ZFPM2: variants seen among roughly 807,000 people sequenced by gnomAD.
ZFPM2 encodes zinc finger protein ZFPM2.
Under a neutral mutation model 98.6 loss-of-function variants are expected in ZFPM2, and 20 were observed. That is an observed-to-expected ratio of 0.20 (90% CI 0.14 to 0.29). ZFPM2 has a LOEUF of 0.29. Ranked by LOEUF, ZFPM2 falls within the 10% of genes least tolerant of loss-of-function variation. ZFPM2 has a pLI of 1.00. For missense variants in ZFPM2, 1,310 were observed against 1,388.6 expected (o/e 0.94, Z 0.90); for synonymous variants, 518 against 502.7 (o/e 1.03, Z -0.41).
At chr8:105,670,322 C>G (rs1429097108) in intron 5 of ZFPM2, among the ~76,000 whole-genome samples, 1 of 151,842 alleles carries the variant, frequency 6.6e-6, no homozygotes. Context: ...CGGTGAAACC[C>G]CATCTCTACT....
In ZFPM2 at chr8:105,590,280, G is replaced by A. The variant is rs114159104; in HGVS notation, c.420+28799G>A. Among the ~76,000 whole-genome samples, 364 of 152,222 alleles carry A rather than the reference G, an allele frequency of 2.4e-3. 2 individuals carry two copies. The highest frequency in any genetic ancestry group is 8.2e-3 in the African/African-American group (341 of 41,528). On this transcript the variant is annotated intron_variant, in intron 4 of 7. Transcript: ENST00000407775. ...CTGTGAGATGCTGAGACTAAGAAAC[G>A]CCCTCTAATGTGTTACAACCATATA...
chr8:105,430,342 C>T (rs972396459), intron 2 of ZFPM2, among the ~76,000 whole-genome samples: 2 of 152,086 alleles, frequency 1.3e-5, no homozygotes, highest in African/African-American at 4.8e-5. Flanking sequence ...TCAAAGAAGA[C>T]AACCAAGATC....
chr8:105,357,199 T>C (rs1246895566), intron 1 of ZFPM2, among the ~76,000 whole-genome samples: 1 of 152,176 alleles, frequency 6.6e-6, no homozygotes, highest in African/African-American at 2.4e-5. Flanking sequence ...CATATAAATC[T>C]TTCTGATTGA....
At chr8:105,573,785 T>TAAC (rs1165740216) in intron 4 of ZFPM2, among the ~76,000 whole-genome samples, 1 of 152,140 alleles carries the variant, frequency 6.6e-6, no homozygotes, top group Non-Finnish European at 1.5e-5. Flanking sequence ...CCACACACTG[T>TAAC]AAAGATCAAA....
chr8:105,714,507 T>C (rs1811473407), intron 5 of ZFPM2, among the ~76,000 whole-genome samples: 1 of 152,014 alleles, frequency 6.6e-6, no homozygotes, highest in Non-Finnish European at 1.5e-5. Flanking sequence ...ACTAATTAAA[T>C]TCAAATTATA....
Position 105,444,390 on chromosome 8 carries a change from G to A in ZFPM2, c.301+9G>A, listed in dbSNP as rs367972104. 1.6e-5 allele frequency: 26 copies of A among 1,597,512 alleles called. No homozygotes were observed. Among genetic ancestry groups the A allele is most frequent in the Non-Finnish European group, 2.1e-5 (25 of 1,170,658 alleles). On this transcript the variant is annotated intron_variant, in intron 3 of 7. Coordinates refer to ENST00000407775, the MANE Select transcript of ZFPM2 (RefSeq NM_012082.4). ...CGACTGGGATGGACCAGGTAGGGGA[G>A]AATATTTAAAATTCAACCGTCTTTA...
At chr8:105,503,347 T>C (rs767970065) in intron 3 of ZFPM2, among the ~76,000 whole-genome samples, 16 of 152,212 alleles carry the variant, frequency 1.1e-4, no homozygotes, top group African/African-American at 1.4e-4. Flanking sequence ...GGAGCACCTT[T>C]ATCCTGACCT....
intron 1 of ZFPM2, among the ~76,000 whole-genome samples, chr8:105,370,084 TCA>T (rs1293309720): frequency 6.6e-6 from 1 of 152,116 alleles, no homozygotes; most frequent in Non-Finnish European, 1.5e-5. Flanking sequence ...GTCCAGGGTC[TCA>T]GTCCACCTTT....
chr8:105,447,243 A>G (rs1812393573), intron 3 of ZFPM2, among the ~76,000 whole-genome samples: 2 of 151,864 alleles, frequency 1.3e-5, no homozygotes, highest in Middle Eastern at 3.4e-3. Flanking sequence ...TTTAGATTCC[A>G]TGGGTTTAGG....
rs35183035 is a variant in ZFPM2, at chr8:105,529,579, ATT to A, written c.302-31768_302-31767del. Among the ~76,000 whole-genome samples, 1,012 of 136,648 alleles carry A rather than the reference ATT, an allele frequency of 7.4e-3. 10 individuals carry two copies. Among genetic ancestry groups the A allele is most frequent in the African/African-American group, 0.025 (907 of 36,962 alleles). The allele number at this position is 136,648 out of a possible 152,430, so 89.6% of individuals were successfully genotyped here. On this transcript the variant is annotated intron_variant, in intron 3 of 7. Transcript: ENST00000407775. ...CTCTTCTAACAACACAACTCTCAGC[ATT>A]TTTTTTTTTTTTTTTGGAATTTCTT...
At chr8:105,375,982 T>G (rs1277994800) in intron 1 of ZFPM2, among the ~76,000 whole-genome samples, 2 of 152,164 alleles carry the variant, frequency 1.3e-5, no homozygotes. Context: ...CTATGCCCTA[T>G]TTAGAGCAAA....
chr8:105,573,303 A>G (rs1334860060), intron 4 of ZFPM2, among the ~76,000 whole-genome samples: 1 of 152,168 alleles, frequency 6.6e-6, no homozygotes, highest in Admixed American at 6.5e-5. Context: ...GCTGAATTCT[A>G]GGGAAGGGAA....
intron 5 of ZFPM2, among the ~76,000 whole-genome samples, chr8:105,666,892 G>C (rs1386276399): frequency 6.6e-6 from 1 of 152,102 alleles, no homozygotes; most frequent in Non-Finnish European, 1.5e-5. Context: ...CTAAACCCTT[G>C]AGTGCATGCC....
intron 5 of ZFPM2, among the ~76,000 whole-genome samples, chr8:105,648,114 T>A (rs1476031460): frequency 6.6e-6 from 1 of 152,238 alleles, no homozygotes; most frequent in Non-Finnish European, 1.5e-5. Flanking sequence ...TGATTTGCAT[T>A]CCTCTGATGG....
intron 6 of ZFPM2, among the ~76,000 whole-genome samples, chr8:105,794,583 G>T (rs981395038): frequency 5.9e-5 from 9 of 152,240 alleles, no homozygotes; most frequent in African/African-American, 1.9e-4. Context: ...CCAGCTGCAT[G>T]CTGGGAGAAC....
chr8:105,616,443 T>A (rs1458828340), intron 4 of ZFPM2, among the ~76,000 whole-genome samples: 1 of 152,132 alleles, frequency 6.6e-6, no homozygotes, highest in Non-Finnish European at 1.5e-5. Context: ...GTAATTTTTT[T>A]ACACATTTAT....
chr8:105,426,069 C>T (rs1280695633), intron 2 of ZFPM2, among the ~76,000 whole-genome samples: 4 of 151,794 alleles, frequency 2.6e-5, no homozygotes, highest in Non-Finnish European at 4.4e-5. Context: ...ATGTTTTTGC[C>T]TCCTCTGATG....
intron 5 of ZFPM2, among the ~76,000 whole-genome samples, chr8:105,766,473 T>G (rs1812854914): frequency 6.6e-6 from 1 of 151,852 alleles, no homozygotes; most frequent in Non-Finnish European, 1.5e-5. Context: ...ATCAGACTTG[T>G]GTTTCAGCCA....
At chr8:105,768,648 A>T (rs1160122756) in intron 5 of ZFPM2, among the ~76,000 whole-genome samples, 10 of 151,990 alleles carry the variant, frequency 6.6e-5, no homozygotes, top group African/African-American at 2.4e-4. Flanking sequence ...GGTTCCATTC[A>T]CACAATTTAG....
Sources: allele counts gnomAD v4.1 joint callset (sites outside exome capture counted in the v4.1 genomes callset), GRCh38; gene constraint gnomAD v4.1.1; transcripts MANE v1.5; gene names NCBI Gene and HGNC (gene_info 2026-07-23, HGNC 2026-07-21).